Variants in CGA observed in about 807,000 individuals in gnomAD.
The protein encoded by CGA is glycoprotein hormones alpha chain.
Under a neutral mutation model 12.0 loss-of-function variants are expected in CGA, and 4 were observed. The ratio of observed to expected loss-of-function variants is 0.33; its 90% confidence interval spans 0.16 to 0.76. The LOEUF (loss-of-function observed/expected upper bound fraction) is 0.76, where lower values mean the gene tolerates loss of function less well. Ranked by LOEUF, CGA falls within the 30% of genes least tolerant of loss-of-function variation. The pLI is 0.60. For synonymous variants in CGA, 60 were observed against 56.6 expected, an observed-to-expected ratio of 1.06 and a Z score of -0.27; for missense variants, 102 against 143.5, an observed-to-expected ratio of 0.71 and a Z score of 1.48.
At chr6:87,087,094 G>GAAAGA (rs1769338431) in intron 2 of CGA, among the ~76,000 whole-genome samples, 1 of 152,068 alleles carries the variant, frequency 6.6e-6, no homozygotes, top group South Asian at 2.1e-4. Flanking sequence ...AAAAGGCAAG[G>GAAAGA]CAAGACAAGG....
In CGA at chr6:87,086,713, G is replaced by C. The variant is rs183111370; in HGVS notation, c.89-279C>G. 932 of 315,146 alleles carry C rather than the reference G, an allele frequency of 3.0e-3. 2 individuals carry two copies. The highest frequency in any genetic ancestry group is 0.018 in the African/African-American group (836 of 46,878). The allele number at this position is 315,146 out of a possible 1,614,324, so 19.5% of individuals were successfully genotyped here. On this transcript the variant is annotated intron_variant, in intron 2 of 3. Coordinates refer to ENST00000627148, the MANE Select transcript of CGA (RefSeq NM_000735.4). The stretch of plus-strand genomic sequence containing the variant: ...GGGCAGAAGAATCGCTTGAAGCTGG[G>C]AGGTCGAGGCTACAGTGAGCCGAGA...
chr6:87,087,946 C>A, intron 2 of CGA, 167 bp downstream of exon 2: 4 of 405,378 alleles, frequency 9.9e-6, no homozygotes. Flanking sequence ...ATTTTCTGAA[C>A]CTAATTTAAT....
At chr6:87,090,745 C>A (rs1268559156) in intron 1 of CGA, among the ~76,000 whole-genome samples, 1 of 150,012 alleles carries the variant, frequency 6.7e-6, no homozygotes, top group Non-Finnish European at 1.5e-5. Context: ...TCAAGCAATT[C>A]TCCTGCCTCA....
At chr6:87,093,818 A>G (rs184094751) in intron 1 of CGA, among the ~76,000 whole-genome samples, 24 of 152,274 alleles carry the variant, frequency 1.6e-4, no homozygotes, top group Admixed American at 5.2e-4. Flanking sequence ...TTTCTCACAC[A>G]CTACCCTTTT....
chr6:87,093,389 G>T (rs189681313), intron 1 of CGA, among the ~76,000 whole-genome samples: 24 of 152,302 alleles, frequency 1.6e-4, no homozygotes, highest in African/African-American at 5.3e-4. Context: ...TGTTAAAGAT[G>T]CTGGATCATT....
chr6:87,088,174 A>G lies in CGA; in HGVS notation c.27T>C (p.Ala9=). Residue 9 remains alanine, a synonymous_variant, in exon 2 of 4, where the codon GCT becomes GCC. Coordinates refer to ENST00000627148, the MANE Select transcript of CGA (RefSeq NM_000735.4). MDYYRKYA[A]IFLVTLSVFL... ...ACACCGACAATGTGACCAGAAAGAT[A>G]GCTGCATATTTTCTGTAGTAATCCA... is the stretch of plus-strand genomic sequence containing the variant. The G allele has an allele frequency of 6.3e-7, 1 of 1,593,434 alleles. No individual in the cohort carries two copies. The highest frequency in any genetic ancestry group is 1.4e-5 in the African/African-American group (1 of 72,786).
At chr6:87,086,727 A>G (rs1562093962) in intron 2 of CGA, 5 of 278,562 alleles carry the variant, frequency 1.8e-5, no homozygotes, top group Non-Finnish European at 1.3e-5. Flanking sequence ...TCGAGGCTAC[A>G]GTGAGCCGAG....
intron 2 of CGA, 21 bp from the exon 3 acceptor site, chr6:87,086,455 C>G: frequency 6.3e-7 from 1 of 1,578,778 alleles, no homozygotes. Flanking sequence ...AAAAAAAAGG[C>G]AGAGTAAAAT....
At chr6:87,090,853 G>T (rs1357485294) in intron 1 of CGA, among the ~76,000 whole-genome samples, 2 of 141,028 alleles carry the variant, frequency 1.4e-5, no homozygotes, top group Non-Finnish European at 1.5e-5. Flanking sequence ...TCAGCATATT[G>T]GCCAGGCTGG....
At chr6:87,085,881 G>T (rs1454344113) in intron 3 of CGA, 48 bp from the exon 4 acceptor site, 1 of 1,229,098 alleles carries the variant, frequency 8.1e-7, no homozygotes, top group Non-Finnish European at 1.2e-6. Flanking sequence ...ATGATAGATA[G>T]ATAGATAGAG....
At position 87,085,641 on chromosome 6, in the gene CGA, A is replaced by G. The variant is rs1769303703; in HGVS notation, c.*115T>C. On this transcript the variant is annotated 3_prime_UTR_variant, in exon 4 of 4. Transcript: ENST00000627148. ...CTGCAGTATATCCTTGAAGCGTGTC[A>G]AAGTGGTATGGTAAGGAAAAGGAGA... 1.4e-6 allele frequency: 1 copy of G among 728,318 alleles called. No individual in the cohort carries two copies. The highest frequency in any genetic ancestry group is 2.4e-6 in the Non-Finnish European group (1 of 408,512). 45.1% of individuals were successfully genotyped at this position (728,318 alleles called of 1,614,324 possible). A position where few individuals can be genotyped will look rare whatever the true frequency, so the allele number is the denominator to read the frequency against.
intron 1 of CGA, among the ~76,000 whole-genome samples, chr6:87,089,336 C>A (rs1374936288): frequency 6.6e-6 from 1 of 151,920 alleles, no homozygotes; most frequent in East Asian, 1.9e-4. Flanking sequence ...CACTAATCTA[C>A]ACATGGGATA....
At chr6:87,087,892 G>T in intron 2 of CGA, 1 of 335,478 alleles carries the variant, frequency 3.0e-6, no homozygotes, top group Non-Finnish European at 5.4e-6. Flanking sequence ...AAAATGTATA[G>T]GCTGCTGCAT....
At chr6:87,090,637 AT>A (rs147883019) in intron 1 of CGA, among the ~76,000 whole-genome samples, 11 of 124,822 alleles carry the variant, frequency 8.8e-5, no homozygotes, top group Admixed American at 3.4e-4. Flanking sequence ...CTCTTCAATA[AT>A]TTTTTTTTTG....
chr6:87,088,297 A>G (rs1376077925), intron 1 of CGA, 90 bp from the exon 2 acceptor site: 1 of 658,984 alleles, frequency 1.5e-6, no homozygotes, highest in Non-Finnish European at 2.6e-6. Context: ...TAGTTTCAAC[A>G]TTACTATTAA....
intron 3 of CGA, 30 bp downstream of exon 3, chr6:87,086,220 G>C: frequency 6.3e-7 from 1 of 1,580,202 alleles, no homozygotes; most frequent in Non-Finnish European, 8.6e-7. Flanking sequence ...TGGGCTGTTA[G>C]AAAGCTTCTG....
At chr6:87,093,128 G>A (rs926685047) in intron 1 of CGA, among the ~76,000 whole-genome samples, 2 of 152,058 alleles carry the variant, frequency 1.3e-5, no homozygotes, top group African/African-American at 4.8e-5. Flanking sequence ...TTACACCTGT[G>A]TCATATATTA....
chr6:87,093,487 T>C (rs1769478386), intron 1 of CGA, among the ~76,000 whole-genome samples: 1 of 152,218 alleles, frequency 6.6e-6, no homozygotes, highest in Admixed American at 6.5e-5. Context: ...TAACATTATA[T>C]GCCAAATCCA....
chr6:87,088,772 A>G (rs925702567), intron 1 of CGA: 1 of 152,240 alleles, frequency 6.6e-6, no homozygotes, highest in African/African-American at 2.4e-5. Flanking sequence ...GAGAATCCAG[A>G]TAACTCAGGC....
Sources: allele counts gnomAD v4.1 joint callset (sites outside exome capture counted in the v4.1 genomes callset), GRCh38; gene constraint gnomAD v4.1.1; transcripts MANE v1.5; gene names NCBI Gene and HGNC (gene_info 2026-07-23, HGNC 2026-07-21).